Variants in KCND2 observed in about 807,000 individuals in gnomAD.
KCND2 encodes the protein A-type voltage-gated potassium channel KCND2.
KCND2 carries 16 observed loss-of-function variants against 54.4 expected under a neutral mutation model. That is an observed-to-expected ratio of 0.29 (90% confidence interval 0.20 to 0.45). The LOEUF is 0.45. Among genes scored for constraint, KCND2 ranks in the 20% least tolerant of loss-of-function variants. The probability of loss-of-function intolerance (pLI) is 1.00; values close to 1 mark genes in which losing one functional copy is unlikely to be tolerated. For synonymous variants in KCND2, 317 were observed against 310.7 expected (o/e 1.02, Z -0.21); for missense variants, 486 against 824.2 (o/e 0.59, Z 5.02).
intron 1 of KCND2, among the ~76,000 whole-genome samples, chr7:120,461,715 A>G (rs1466491490): frequency 1.3e-5 from 2 of 152,066 alleles, no homozygotes; most frequent in Non-Finnish European, 2.9e-5. Context: ...AAATTGTGTT[A>G]TTTTTGCAAT....
intron 1 of KCND2, among the ~76,000 whole-genome samples, chr7:120,718,098 T>C (rs998708402): frequency 6.6e-6 from 1 of 152,114 alleles, no homozygotes; most frequent in Non-Finnish European, 1.5e-5. Flanking sequence ...GAGGCAGTGA[T>C]AGGAAGGAGG....
chr7:120,408,677 C>T (rs958028983), intron 1 of KCND2, among the ~76,000 whole-genome samples: 1 of 151,740 alleles, frequency 6.6e-6, no homozygotes. Flanking sequence ...TCCCCTGCCC[C>T]CCAACAGACA....
At chr7:120,324,560 C>T (rs1563009536) in intron 1 of KCND2, among the ~76,000 whole-genome samples, 1 of 149,648 alleles carries the variant, frequency 6.7e-6, no homozygotes, top group African/African-American at 2.4e-5. Flanking sequence ...ATAGGGAATC[C>T]TTTCCCCATT....
At chr7:120,403,887 A>G (rs1801310141) in intron 1 of KCND2, among the ~76,000 whole-genome samples, 1 of 152,092 alleles carries the variant, frequency 6.6e-6, no homozygotes, top group African/African-American at 2.4e-5. Flanking sequence ...AAATAACAAG[A>G]TTTTTTTAAA....
At chr7:120,341,394 G>A (rs972705917) in intron 1 of KCND2, among the ~76,000 whole-genome samples, 1 of 152,170 alleles carries the variant, frequency 6.6e-6, no homozygotes, top group African/African-American at 2.4e-5. Flanking sequence ...ACAGGTGCAG[G>A]TGTTGAAGAA....
chr7:120,488,298 G>A (rs1441623553), intron 1 of KCND2, among the ~76,000 whole-genome samples: 2 of 152,084 alleles, frequency 1.3e-5, no homozygotes, highest in East Asian at 3.8e-4. Context: ...AGCATTAAAA[G>A]TATATTTTAT....
chr7:120,527,588 T>G (rs1330286918), intron 1 of KCND2, among the ~76,000 whole-genome samples: 4 of 152,162 alleles, frequency 2.6e-5, no homozygotes, highest in Non-Finnish European at 5.9e-5. Context: ...CAGATCCTGC[T>G]GCTCGTTCAT....
At chr7:120,387,516 G>A (rs920642800) in intron 1 of KCND2, among the ~76,000 whole-genome samples, 6 of 151,886 alleles carry the variant, frequency 4.0e-5, no homozygotes, top group African/African-American at 7.3e-5. Flanking sequence ...TAAATTTTAA[G>A]CACATGGTAT....
chr7:120,421,974 C>T (rs1003831958), intron 1 of KCND2, among the ~76,000 whole-genome samples: 43 of 152,092 alleles, frequency 2.8e-4, no homozygotes, highest in African/African-American at 8.9e-4. Flanking sequence ...CAGTATAGAC[C>T]CAGCAGGATG....
At position 120,749,269 on chromosome 7, in the gene KCND2, G is replaced by C. The variant is rs566517180; in HGVS notation, c.*1411G>C. The C allele has an allele frequency of 2.0e-5, 3 of 152,056 alleles. No homozygotes were observed. The highest frequency in any genetic ancestry group is 3.9e-4 in the East Asian group (2 of 5,180). The allele number at this position is 152,056 out of a possible 1,614,324, so 9.4% of individuals were successfully genotyped here. On this transcript the variant is annotated 3_prime_UTR_variant, in exon 6 of 6. Coordinates refer to ENST00000331113, the MANE Select transcript of KCND2 (RefSeq NM_012281.3). ...GGCAGCACAAATTTATCTCAGAAAG[G>C]TTCCTGTGTATTGCAAGGTACAATT...
intron 1 of KCND2, among the ~76,000 whole-genome samples, chr7:120,549,640 G>A (rs1306699978): frequency 6.6e-6 from 1 of 152,090 alleles, no homozygotes; most frequent in African/African-American, 2.4e-5. Context: ...GAACTCAACA[G>A]CAGGTTTTCC....
At chr7:120,546,947 T>C (rs1182483019) in intron 1 of KCND2, among the ~76,000 whole-genome samples, 2 of 151,922 alleles carry the variant, frequency 1.3e-5, no homozygotes, top group African/African-American at 4.8e-5. Flanking sequence ...TCGGTGAATA[T>C]AATTTTAATT....
intron 1 of KCND2, among the ~76,000 whole-genome samples, chr7:120,644,289 T>C (rs1456173332): frequency 6.6e-6 from 1 of 152,152 alleles, no homozygotes; most frequent in Non-Finnish European, 1.5e-5. Context: ...TGGAAAATGT[T>C]CTGGTCTCAT....
At chr7:120,452,362 A>T (rs1273228454) in intron 1 of KCND2, among the ~76,000 whole-genome samples, 1 of 152,190 alleles carries the variant, frequency 6.6e-6, no homozygotes, top group Non-Finnish European at 1.5e-5. Flanking sequence ...AGGCACTTAC[A>T]CTCGGAGCCA....
At chr7:120,313,101 G>T (rs549322097) in intron 1 of KCND2, among the ~76,000 whole-genome samples, 3 of 152,272 alleles carry the variant, frequency 2.0e-5, no homozygotes, top group Admixed American at 2.0e-4. Flanking sequence ...TGGCGCCCAT[G>T]GGGCCAAACA....
intron 1 of KCND2, among the ~76,000 whole-genome samples, chr7:120,425,792 C>T (rs1801698041): frequency 6.6e-6 from 1 of 152,224 alleles, no homozygotes; most frequent in Non-Finnish European, 1.5e-5. Flanking sequence ...GCACGTTTTC[C>T]CCTGGCTTGC....
intron 1 of KCND2, among the ~76,000 whole-genome samples, chr7:120,549,128 G>A (rs1246754616): frequency 1.3e-5 from 2 of 152,064 alleles, no homozygotes; most frequent in Non-Finnish European, 1.5e-5. Context: ...AGAAACAAGG[G>A]CTGACCCTTT....
At chr7:120,650,656 G>A (rs1158774006) in intron 1 of KCND2, among the ~76,000 whole-genome samples, 2 of 143,962 alleles carry the variant, frequency 1.4e-5, no homozygotes, top group East Asian at 1.9e-4. Context: ...CATTGCTGGC[G>A]AGGAGCTGCG....
chr7:120,358,872 TATGCAA>T (rs961996051), intron 1 of KCND2, among the ~76,000 whole-genome samples: 6 of 152,234 alleles, frequency 3.9e-5, no homozygotes, highest in African/African-American at 1.4e-4. Flanking sequence ...TTCACAACTA[TATGCAA>T]ATATTTTCTT....
Sources: gnomAD v4.1 joint callset for allele counts (sites outside exome capture counted in the v4.1 genomes callset) on GRCh38, gnomAD v4.1.1 for gene constraint, MANE v1.5 for transcripts, NCBI Gene and HGNC (gene_info 2026-07-23, HGNC 2026-07-21) for gene names.